The following ECT2L variants were observed in gnomAD, a reference collection of about 807,000 sequenced individuals.
ECT2L encodes the protein epithelial cell transforming 2 like.
ECT2L carries 126 observed loss-of-function variants against 122.8 expected under a neutral mutation model. The observed-to-expected ratio is 1.03, with a 90% CI of 0.89 to 1.19. The LOEUF is 1.19. Among genes scored for constraint, ECT2L ranks in the 50% most tolerant of loss-of-function variants. ECT2L has a pLI of 0.00. For synonymous variants in ECT2L, 385 were observed against 381.8 expected, an observed-to-expected ratio of 1.01 and a Z score of -0.10; for missense variants, 1,012 against 1,064.1, an observed-to-expected ratio of 0.95 and a Z score of 0.68.
At chr6:138,833,016 C>T (rs567387453) in intron 4 of ECT2L, among the ~76,000 whole-genome samples, 10 of 151,910 alleles carry the variant, frequency 6.6e-5, no homozygotes, top group African/African-American at 2.2e-4. Context: ...TCTTACCTGG[C>T]GGCAGGCGAG....
intron 1 of ECT2L, among the ~76,000 whole-genome samples, chr6:138,811,212 G>A (rs1221948156): frequency 1.3e-5 from 2 of 152,190 alleles, no homozygotes; most frequent in African/African-American, 4.8e-5. Flanking sequence ...GCTGCCCTAT[G>A]GAGAGAACCA....
chr6:138,873,896 G>GTGTGTGTGTGTA (rs1554277012), intron 13 of ECT2L, among the ~76,000 whole-genome samples: 9 of 149,794 alleles, frequency 6.0e-5, no homozygotes, highest in African/African-American at 1.7e-4. Flanking sequence ...GTGTGTGTGT[G>GTGTGTGTGTGTA]TGTGTGTGTG....
intron 4 of ECT2L, among the ~76,000 whole-genome samples, chr6:138,834,489 C>G (rs1310550809): frequency 1.3e-5 from 2 of 152,104 alleles, no homozygotes; most frequent in African/African-American, 2.4e-5. Context: ...TTCTCCTTTG[C>G]TCTGCTGGGA....
chr6:138,883,337 C>G (rs745730841), intron 16 of ECT2L, among the ~76,000 whole-genome samples: 4 of 152,240 alleles, frequency 2.6e-5, no homozygotes, highest in Non-Finnish European at 5.9e-5. Context: ...AAATTATTAA[C>G]AGTTTTCCCT....
At chr6:138,807,586 A>G (rs984779055) in intron 1 of ECT2L, among the ~76,000 whole-genome samples, 2 of 152,204 alleles carry the variant, frequency 1.3e-5, no homozygotes, top group African/African-American at 2.4e-5. Context: ...AGCCAGTATC[A>G]TAGGTTTTCA....
At chr6:138,860,488 A>C (rs1258756160) in intron 10 of ECT2L, among the ~76,000 whole-genome samples, 1 of 150,836 alleles carries the variant, frequency 6.6e-6, no homozygotes, top group East Asian at 1.9e-4. Flanking sequence ...TTCATTGATG[A>C]ATTTGTCAAT....
At chr6:138,867,222 A>C (rs745898612) in intron 12 of ECT2L, among the ~76,000 whole-genome samples, 6 of 152,216 alleles carry the variant, frequency 3.9e-5, no homozygotes, top group Non-Finnish European at 8.8e-5. Flanking sequence ...CTTATTGTCC[A>C]ATTTATACAT....
At chr6:138,847,354 A>ATTTTTTTTTTTTTTTTTTTTTTTT (rs1562471985) in intron 8 of ECT2L, among the ~76,000 whole-genome samples, 1 of 111,016 alleles carries the variant, frequency 9.0e-6, no homozygotes, top group African/African-American at 4.0e-5. Flanking sequence ...AAAGGCCCAA[A>ATTTTTTTTTTTTTTTTTTTTTTTT]CTTTTTTTTT....
At position 138,846,559 on chromosome 6, in the gene ECT2L, A is replaced by G. The variant is rs1208451647; in HGVS notation, c.785A>G (p.His262Arg). ...CATAGAAGCAATATTTCTGGAAGCC[A>G]TTCCTACCCTTTATTATCAAAGAAA... ...LPKRSNISGS[H>R]SYPLLSKKNW... The change falls in exon 8 of 22, where the codon CAT (histidine) becomes CGT (arginine). Residue 262 changes from histidine (H) to arginine (R), a missense_variant. Physicochemically the swap from His to Arg is conservative, Grantham distance 29 (BLOSUM62 0). Coordinates refer to ENST00000541398, the MANE Select transcript of ECT2L (RefSeq NM_001077706.3). The G allele has an allele frequency of 6.3e-7, 1 of 1,591,740 alleles. No individual in the cohort carries two copies. The highest frequency in any genetic ancestry group is 1.4e-5 in the African/African-American group (1 of 73,520).
chr6:138,864,410 G>A (rs1777953722), intron 11 of ECT2L, among the ~76,000 whole-genome samples: 1 of 152,172 alleles, frequency 6.6e-6, no homozygotes, highest in Non-Finnish European at 1.5e-5. Flanking sequence ...ATCCATTCAG[G>A]ACAGAAAATC....
At chr6:138,888,171 T>C (rs555441778) in intron 19 of ECT2L, among the ~76,000 whole-genome samples, 1 of 151,824 alleles carries the variant, frequency 6.6e-6, no homozygotes, top group East Asian at 2.0e-4. Context: ...GGTTGATTGG[T>C]TTGCAAAGAT....
intron 4 of ECT2L, among the ~76,000 whole-genome samples, chr6:138,835,723 C>G (rs919761057): frequency 2.0e-5 from 3 of 152,124 alleles, no homozygotes; most frequent in Non-Finnish European, 2.9e-5. Context: ...CAAAGTACAT[C>G]CAGCATTACC....
intron 4 of ECT2L, among the ~76,000 whole-genome samples, chr6:138,821,722 T>G (rs533042676): frequency 7.2e-5 from 11 of 152,238 alleles, no homozygotes; most frequent in Non-Finnish European, 1.5e-4. Flanking sequence ...CAAGCACAGT[T>G]CTGAGTGCAT....
intron 10 of ECT2L, among the ~76,000 whole-genome samples, chr6:138,861,126 G>C (rs11155015): frequency 0.34 from 51,489 of 151,708 alleles, 8,894 homozygotes; most frequent in Admixed American, 0.41. Flanking sequence ...TCCAGTCTAC[G>C]AATGATGGAC....
intron 20 of ECT2L, among the ~76,000 whole-genome samples, chr6:138,891,142 CAG>C (rs1460324560): frequency 1.3e-5 from 2 of 152,160 alleles, no homozygotes; most frequent in African/African-American, 4.8e-5. Context: ...AACATTGAAA[CAG>C]AGATCTTAAG....
intron 10 of ECT2L, among the ~76,000 whole-genome samples, chr6:138,858,862 T>C (rs1777719099): frequency 6.6e-6 from 1 of 151,870 alleles, no homozygotes; most frequent in Non-Finnish European, 1.5e-5. Flanking sequence ...CACAACACCA[T>C]GCTTGGCTAA....
At chr6:138,886,967 A>G in intron 19 of ECT2L, 45 bp downstream of exon 19, 1 of 1,521,260 alleles carries the variant, frequency 6.6e-7, no homozygotes, top group Non-Finnish European at 9.1e-7. Context: ...TCATGAATAC[A>G]ACCTCCAGTC....
chr6:138,856,802 A>G (rs75610755), intron 10 of ECT2L, among the ~76,000 whole-genome samples: 1 of 152,216 alleles, frequency 6.6e-6, no homozygotes, highest in Non-Finnish European at 1.5e-5. Flanking sequence ...CTTTGGTGAC[A>G]TAACTGTCAA....
At chr6:138,820,112 C>T (rs1029136220) in intron 4 of ECT2L, among the ~76,000 whole-genome samples, 2 of 152,128 alleles carry the variant, frequency 1.3e-5, no homozygotes, top group Admixed American at 1.3e-4. Flanking sequence ...ATTTCCACCC[C>T]CTACAAGGCA....
Sources: gnomAD v4.1 joint callset for allele counts (sites outside exome capture counted in the v4.1 genomes callset) on GRCh38, gnomAD v4.1.1 for gene constraint, MANE v1.5 for transcripts, NCBI Gene and HGNC (gene_info 2026-07-23, HGNC 2026-07-21) for gene names.